Variants in FYN observed in about 807,000 individuals in gnomAD.
FYN encodes FYN proto-oncogene, Src family tyrosine kinase.
Under a neutral mutation model 70.2 loss-of-function variants are expected in FYN, and 10 were observed. The observed-to-expected ratio is 0.14, with a 90% CI of 0.09 to 0.24. The LOEUF is 0.24. Among genes scored for constraint, FYN ranks in the 10% least tolerant of loss-of-function variants. FYN has a pLI of 1.00. For synonymous variants in FYN, 236 were observed against 248.6 expected (o/e 0.95, Z 0.48); for missense variants, 319 against 673.1 (o/e 0.47, Z 5.82).
At chr6:111,732,524 G>A (rs78681651) in intron 3 of FYN, among the ~76,000 whole-genome samples, 1,679 of 152,248 alleles carry the variant, frequency 0.011, 24 homozygotes, top group African/African-American at 0.036. Context: ...GGGTGTGCAG[G>A]CTGCCTGCTA....
At chr6:111,823,002 C>T (rs1307778046) in intron 2 of FYN, among the ~76,000 whole-genome samples, 1 of 152,164 alleles carries the variant, frequency 6.6e-6, no homozygotes, top group Non-Finnish European at 1.5e-5. Context: ...AGGGGATGAG[C>T]AGTAGGTGCA....
chr6:111,783,637 G>A (rs186365166), intron 2 of FYN, among the ~76,000 whole-genome samples: 10 of 152,228 alleles, frequency 6.6e-5, no homozygotes, highest in Admixed American at 2.6e-4. Context: ...TATGACTCCC[G>A]GTATAAAGTT....
chr6:111,784,895 G>A (rs1771307047), intron 2 of FYN, among the ~76,000 whole-genome samples: 1 of 152,236 alleles, frequency 6.6e-6, no homozygotes, highest in African/African-American at 2.4e-5. Context: ...AGACCTTTCT[G>A]AGGAAACCAA....
Position 111,660,466 on chromosome 6 carries a change from T to C in FYN, c.*1273A>G, listed in dbSNP as rs1356398735. On this transcript the variant is annotated 3_prime_UTR_variant, in exon 14 of 14. Transcript: ENST00000354650. ...TTGCTAGTCAGTATTAAAAACTCAATAGAAATAGGATTTTTGATTTGTTGT... is the reference window on the plus strand; with the variant it reads ...TTGCTAGTCAGTATTAAAAACTCAACAGAAATAGGATTTTTGATTTGTTGT... 2 of 152,198 alleles carry C rather than the reference T, an allele frequency of 1.3e-5. No homozygotes were observed. The highest frequency in any genetic ancestry group is 4.8e-5 in the African/African-American group (2 of 41,448). 9.4% of individuals were successfully genotyped at this position (152,198 alleles called of 1,614,324 possible).
At chr6:111,788,148 C>A (rs533925067) in intron 2 of FYN, among the ~76,000 whole-genome samples, 13 of 152,264 alleles carry the variant, frequency 8.5e-5, no homozygotes, top group Non-Finnish European at 1.6e-4. Flanking sequence ...TGCCCAGTTC[C>A]CCCACTAGAA....
chr6:111,702,832 A>G, intron 8 of FYN, 53 bp downstream of exon 8: 2 of 1,578,792 alleles, frequency 1.3e-6, no homozygotes, highest in Admixed American at 3.4e-5. Context: ...CTCTGGGCCT[A>G]TCCACTCCCT....
At chr6:111,807,311 T>G (rs1219207844) in intron 2 of FYN, among the ~76,000 whole-genome samples, 1 of 152,218 alleles carries the variant, frequency 6.6e-6, no homozygotes, top group Non-Finnish European at 1.5e-5. Context: ...TCCTGGATAA[T>G]GGAAAATGGC....
chr6:111,851,679 T>C (rs1282862071), intron 1 of FYN, among the ~76,000 whole-genome samples: 3 of 152,126 alleles, frequency 2.0e-5, no homozygotes, highest in African/African-American at 7.2e-5. Context: ...AGCTCTGCTA[T>C]TTATCTGCTC....
chr6:111,786,376 A>G (rs1771384501), intron 2 of FYN, among the ~76,000 whole-genome samples: 1 of 152,118 alleles, frequency 6.6e-6, no homozygotes, highest in African/African-American at 2.4e-5. Context: ...ATGTCCCTAC[A>G]AAGGACATGA....
chr6:111,696,335 C>G lies in FYN; in HGVS notation c.984G>C (p.Gln328His). ...GCTCCTCAGACACCACTGCATAGAG[C>G]TGGACCAGCTTGTCGTGCTTCAGCT... ...MKKLKHDKLV[Q>H]LYAVVSEEPI... The change falls in exon 10 of 14, where the codon CAG becomes CAC. Residue 328 changes from glutamine to histidine, a missense_variant. Around this residue, in one of 4 missense-constraint regions of FYN, gnomAD observed 112 missense variants for 250.2 expected, o/e 0.45. Coordinates refer to ENST00000354650, the MANE Select transcript of FYN (RefSeq NM_002037.5). 4 of 1,613,942 alleles carry G rather than the reference C, an allele frequency of 2.5e-6. No homozygotes were observed. Among genetic ancestry groups the G allele is most frequent in the African/African-American group, 1.3e-5 (1 of 75,028 alleles).
chr6:111,748,913 G>A (rs1000496420), intron 3 of FYN, among the ~76,000 whole-genome samples: 14 of 152,086 alleles, frequency 9.2e-5, no homozygotes, highest in Non-Finnish European at 2.1e-4. Flanking sequence ...GGAAAGGACC[G>A]GTATACTCAG....
intron 3 of FYN, among the ~76,000 whole-genome samples, chr6:111,730,183 G>A (rs374094742): frequency 4.7e-4 from 72 of 152,310 alleles, no homozygotes; most frequent in Admixed American, 1.2e-3. Flanking sequence ...GCAGTGAGGC[G>A]CAGTGCTGGG....
At chr6:111,828,088 C>T (rs1439308883) in intron 2 of FYN, among the ~76,000 whole-genome samples, 1 of 152,186 alleles carries the variant, frequency 6.6e-6, no homozygotes, top group Non-Finnish European at 1.5e-5. Flanking sequence ...ACCCTGAGAA[C>T]TTCCTCCTCT....
rs1270581627 is a variant in FYN, at chr6:111,674,549, A to G, written c.1355T>C (p.Phe452Ser). 1 of 1,614,032 alleles carries G rather than the reference A, an allele frequency of 6.2e-7. No individual in the cohort carries two copies. Among genetic ancestry groups the G allele is most frequent in the Non-Finnish European group, 8.5e-7 (1 of 1,179,966 alleles). Residue 452 changes from phenylalanine (F) to serine (S), a missense_variant, in exon 13 of 14, where the codon TTT (phenylalanine) becomes TCT (serine). This residue lies in a region of FYN where 64 missense variants were observed against 223.0 expected (regional missense o/e 0.29). Coordinates refer to ENST00000354650, the MANE Select transcript of FYN (RefSeq NM_002037.5). The stretch of plus-strand genomic sequence containing the variant: ...GACCAGCTCTGTGAGTAAGATTCCA[A>G]AAGACCACACGTCAGACTTGATTGT... ...RFTIKSDVWS[F>S]GILLTELVTK...
chr6:111,702,964 G>A lies in FYN; in HGVS notation c.618C>T (p.Arg206=), dbSNP rs1799908693. ...TGTAGTATCCACCATTGTCAAGTTTGCGAATTTTATAATGTTTGACATGGT... is the reference window on the plus strand; with the variant it reads ...TGTAGTATCCACCATTGTCAAGTTTACGAATTTTATAATGTTTGACATGGT... ...KGDHVKHYKI[R]KLDNGGYYIT... The change falls in exon 8 of 14, where the codon CGC becomes CGT. Residue 206 remains arginine (R), a synonymous_variant. Coordinates refer to ENST00000354650, the MANE Select transcript of FYN (RefSeq NM_002037.5). 1 of 1,613,940 alleles carries A rather than the reference G, an allele frequency of 6.2e-7. No homozygotes were observed. Among genetic ancestry groups the A allele is most frequent in the Non-Finnish European group, 8.5e-7 (1 of 1,179,986 alleles).
intron 12 of FYN, among the ~76,000 whole-genome samples, chr6:111,691,070 T>C (rs1430307695): frequency 6.6e-6 from 1 of 152,178 alleles, no homozygotes; most frequent in Non-Finnish European, 1.5e-5. Flanking sequence ...GTCCAGGGAA[T>C]AGAGAATAAG....
At chr6:111,697,828 T>C (rs1171843796) in intron 9 of FYN, among the ~76,000 whole-genome samples, 1 of 152,244 alleles carries the variant, frequency 6.6e-6, no homozygotes, top group Non-Finnish European at 1.5e-5. Context: ...TTTGTAAAAT[T>C]TGAAAATAAA....
At chr6:111,845,550 T>C (rs1267082903) in intron 2 of FYN, among the ~76,000 whole-genome samples, 2 of 152,168 alleles carry the variant, frequency 1.3e-5, no homozygotes, top group Non-Finnish European at 2.9e-5. Context: ...ATGTTTCAGA[T>C]AGTATACTTC....
chr6:111,839,700 T>A (rs751502608), intron 2 of FYN, among the ~76,000 whole-genome samples: 7 of 152,164 alleles, frequency 4.6e-5, no homozygotes, highest in Non-Finnish European at 8.8e-5. Context: ...AAGAAAGTTA[T>A]AAGAACTAGG....
Sources: allele counts gnomAD v4.1 joint callset (sites outside exome capture counted in the v4.1 genomes callset), GRCh38; gene constraint gnomAD v4.1.1; regional missense constraint gnomAD v4.1.1; transcripts MANE v1.5; gene names NCBI Gene and HGNC (gene_info 2026-07-23, HGNC 2026-07-21).